The following TMEM8B variants were observed in gnomAD, a reference collection of about 807,000 sequenced individuals.
TMEM8B encodes the protein nasopharyngeal carcinoma expressed 6.
In TMEM8B, 29 loss-of-function variants were observed where a neutral mutation model predicts 49.3. That is an observed-to-expected ratio of 0.59 (90% CI 0.44 to 0.80). The LOEUF (loss-of-function observed/expected upper bound fraction) is 0.80. Ranked by LOEUF, TMEM8B falls within the 30% of genes least tolerant of loss-of-function variation. The probability of loss-of-function intolerance (pLI) is 0.00; values close to 1 mark genes in which losing one functional copy is unlikely to be tolerated. For synonymous variants in TMEM8B, 264 were observed against 272.8 expected (o/e 0.97, Z 0.32); for missense variants, 575 against 658.5 (o/e 0.87, Z 1.39).
At chr9:35,831,926 C>T (rs1024324888) in intron 1 of TMEM8B, among the ~76,000 whole-genome samples, 14 of 152,140 alleles carry the variant, frequency 9.2e-5, no homozygotes, top group African/African-American at 3.4e-4. Flanking sequence ...TGAGGAGAGG[C>T]TGGCAGTGTC....
intron 1 of TMEM8B, chr9:35,833,319 C>G (rs1830100814): frequency 4.1e-6 from 4 of 985,258 alleles, no homozygotes; most frequent in African/African-American, 1.7e-5. Context: ...GAGTTCCCCA[C>G]CTTCTCACCT....
Position 35,846,810 on chromosome 9 carries a change from C to T in TMEM8B, c.1997-7C>T, listed in dbSNP as rs772704306. 1.2e-6 allele frequency: 2 copies of T among 1,610,200 alleles called. No individual in the cohort carries two copies. Among genetic ancestry groups the T allele is most frequent in the Non-Finnish European group, 1.7e-6 (2 of 1,178,010 alleles). On this transcript the variant is annotated splice_polypyrimidine_tract_variant and splice_region_variant and intron_variant, in intron 9 of 12. Coordinates refer to ENST00000643932, the MANE Select transcript of TMEM8B (RefSeq NM_001042590.4). ...TCTCTTCCATTCTGTGCCTTCCCCA[C>T]CCGCAGGGTGGAGAGGCTGGGGCTG...
In TMEM8B at chr9:35,842,616, A is replaced by G. The variant is rs750599092; in HGVS notation, c.1534A>G (p.Ser512Gly). Residue 512 changes from serine (S) to glycine (G), a missense_variant, in exon 6 of 13, where the codon AGT becomes GGT. Physicochemically the swap from Ser to Gly is moderately conservative, Grantham distance 56. Transcript: ENST00000643932. This position sits in a 1 kb window ranked among gnomAD's most constrained non-coding sequence, Gnocchi z 5.6. ...CCACTTCTACATCTTCTTTGGCCCAAGTGTGGCCCTTCCCCCTGAGCGCCC... is the reference window on the plus strand; with the variant it reads ...CCACTTCTACATCTTCTTTGGCCCAGGTGTGGCCCTTCCCCCTGAGCGCCC... Reference protein sequence around the residue: ...SVHFYIFFGPSVALPPERPAV... With the variant: ...SVHFYIFFGPGVALPPERPAV... 5 of 1,614,168 alleles carry G rather than the reference A, an allele frequency of 3.1e-6. No homozygotes were observed. The South Asian group carries it at 4.4e-5, about 14-fold the overall frequency.
rs542644419 is a variant in TMEM8B at position 35,864,150 on chromosome 9, T to G, written c.*10310T>G. ...GTATGACTTTGGTCAGATTTCTCCT[T>G]CTGAGAAGTGGAGCCAATTAAGCGA... is the stretch of plus-strand genomic sequence containing the variant. On this transcript the variant is annotated 3_prime_UTR_variant, in exon 13 of 13. Coordinates refer to ENST00000643932, the MANE Select transcript of TMEM8B (RefSeq NM_001042590.4). 1 of 152,176 alleles carries G rather than the reference T, an allele frequency of 6.6e-6. No individual in the cohort carries two copies. Among genetic ancestry groups the G allele is most frequent in the Non-Finnish European group, 1.5e-5 (1 of 68,044 alleles). The allele number at this position is 152,176 out of a possible 1,614,324, so 9.4% of individuals were successfully genotyped here. A position where few individuals can be genotyped will look rare whatever the true frequency, so the allele number is the denominator to read the frequency against.
rs775717622 is a variant in TMEM8B at position 35,852,728 on chromosome 9, CACTG to C, written c.2176-96_2176-93del. 2.1e-4 allele frequency: 289 copies of C among 1,389,568 alleles called. 2 individuals carry two copies. Among genetic ancestry groups the C allele is most frequent in the Non-Finnish European group, 2.6e-4 (261 of 995,310 alleles). 86.1% of individuals were successfully genotyped at this position (1,389,568 alleles called of 1,614,324 possible). On this transcript the variant is annotated intron_variant, in intron 10 of 12. Coordinates refer to ENST00000643932, the MANE Select transcript of TMEM8B (RefSeq NM_001042590.4). ...CATCTGTGACCTTTCACCTCTGCTG[CACTG>C]ACAGCAGCACACCACCCCTGGGCCC... is the stretch of plus-strand genomic sequence containing the variant.
In TMEM8B at chr9:35,853,546, G is replaced by T. The variant is rs545015950; in HGVS notation, c.2481G>T (p.Thr827=). 16 of 1,614,020 alleles carry T rather than the reference G, an allele frequency of 9.9e-6. No homozygotes were observed. In the Middle Eastern group the frequency reaches 4.9e-4, roughly 50 times the overall value. Residue 827 remains threonine, a synonymous_variant, in exon 13 of 13, where the codon ACG becomes ACT. Coordinates refer to ENST00000643932, the MANE Select transcript of TMEM8B (RefSeq NM_001042590.4). This position sits in a 1 kb window ranked among gnomAD's most constrained non-coding sequence, Gnocchi z 4.2. The part of the protein sequence containing the change: ...SVRRRHCYPP[T]WRRWLFYLCP... The stretch of plus-strand genomic sequence containing the variant: ...GCCGCCGGCACTGCTACCCACCCAC[G>T]TGGCGCCGCTGGCTTTTCTACTTGT...
intron 6 of TMEM8B, chr9:35,845,348 A>G: frequency 1.0e-6 from 1 of 962,644 alleles, no homozygotes; most frequent in Non-Finnish European, 1.2e-6. Context: ...ATTCTATTTT[A>G]TGTAAGCTGC....
chr9:35,847,064 C>T (rs1831669748), intron 10 of TMEM8B, 69 bp downstream of exon 10: 1 of 1,614,210 alleles, frequency 6.2e-7, no homozygotes, highest in Non-Finnish European at 8.5e-7. Context: ...TCTGTATTTC[C>T]ACCACGTTCT....
At chr9:35,832,776 T>C (rs1034300956) in intron 1 of TMEM8B, among the ~76,000 whole-genome samples, 2 of 152,152 alleles carry the variant, frequency 1.3e-5, no homozygotes, top group African/African-American at 4.8e-5. Context: ...TCTGATTTCT[T>C]CTAACAATAG....
At chr9:35,835,464 A>G in intron 3 of TMEM8B, 1 of 363,980 alleles carries the variant, frequency 2.7e-6, no homozygotes, top group Non-Finnish European at 4.9e-6. Flanking sequence ...GAAAGTTGAG[A>G]ATCTGGAGTC....
In TMEM8B at chr9:35,836,552, G is replaced by C. The variant is rs1373405457; in HGVS notation, c.906+1334G>C. Among the ~76,000 whole-genome samples the C allele has an allele frequency of 2.6e-5, 4 of 152,350 alleles. No homozygotes were observed. The East Asian group carries it at 5.8e-4, about 22-fold the overall frequency. On this transcript the variant is annotated intron_variant, in intron 3 of 12. Coordinates refer to ENST00000643932, the MANE Select transcript of TMEM8B (RefSeq NM_001042590.4). ...TAGGGCCTAGGCCTGGGCTGGGATTGTGGGAGCTGAGGCCCAGTTAGAAGT... is the reference window on the plus strand; with the variant it reads ...TAGGGCCTAGGCCTGGGCTGGGATTCTGGGAGCTGAGGCCCAGTTAGAAGT...
In TMEM8B at chr9:35,829,800, C is replaced by G. The variant is rs918451849; in HGVS notation, c.353C>G (p.Pro118Arg). ...CPAQPNPLSQ[P>R]LPSSLCLPKS... Reference sequence around the variant, plus strand: ...GCCCAGCCCAACCCATTATCTCAGCCTTTGCCCTCATCTCTGTGTTTACCC... The same window carrying G: ...GCCCAGCCCAACCCATTATCTCAGCGTTTGCCCTCATCTCTGTGTTTACCC... Residue 118 changes from proline to arginine, a missense_variant, in exon 1 of 13, where the codon CCT becomes CGT. Pro to Arg is a moderately radical substitution (Grantham distance 103, BLOSUM62 -2). Coordinates refer to ENST00000643932, the MANE Select transcript of TMEM8B (RefSeq NM_001042590.4). 20 of 416,552 alleles carry G rather than the reference C, an allele frequency of 4.8e-5. No individual in the cohort carries two copies. Among genetic ancestry groups the G allele is most frequent in the Non-Finnish European group, 8.4e-5 (19 of 227,038 alleles). 25.8% of individuals were successfully genotyped at this position (416,552 alleles called of 1,614,324 possible). A position where few individuals can be genotyped will look rare whatever the true frequency, so the allele number is the denominator to read the frequency against.
rs1832673847 is a variant in TMEM8B at position 35,862,773 on chromosome 9, C to CATAAAA, written c.*8933_*8934insATAAAA. On this transcript the variant is annotated 3_prime_UTR_variant, in exon 13 of 13. Transcript: ENST00000643932. ...CAGATGGCTTCATAAAACTGACCACCCGGACAACAAGATGGTCACACAGCT... is the reference window on the plus strand; with the variant it reads ...CAGATGGCTTCATAAAACTGACCACCATAAAACGGACAACAAGATGGTCACACAGCT... 1 of 152,242 alleles carries CATAAAA rather than the reference C, an allele frequency of 6.6e-6. No homozygotes were observed. Among genetic ancestry groups the CATAAAA allele is most frequent in the Non-Finnish European group, 1.5e-5 (1 of 68,066 alleles). The allele number at this position is 152,242 out of a possible 1,614,324, so 9.4% of individuals were successfully genotyped here.
intron 3 of TMEM8B, among the ~76,000 whole-genome samples, chr9:35,836,287 G>A (rs764548695): frequency 4.6e-5 from 7 of 152,200 alleles, no homozygotes; most frequent in Non-Finnish European, 8.8e-5. Context: ...GCCTGCTGAA[G>A]GACAGCATGT....
rs1166348878 is a variant in TMEM8B, at chr9:35,854,035, T to G, written c.*195T>G. The G allele has an allele frequency of 1.6e-5, 21 of 1,313,308 alleles. No homozygotes were observed. The highest frequency in any genetic ancestry group is 1.2e-5 in the Non-Finnish European group (12 of 1,036,558). The allele number at this position is 1,313,308 out of a possible 1,614,324, so 81.4% of individuals were successfully genotyped here. A position where few individuals can be genotyped will look rare whatever the true frequency, so the allele number is the denominator to read the frequency against. On this transcript the variant is annotated 3_prime_UTR_variant, in exon 13 of 13. Coordinates refer to ENST00000643932, the MANE Select transcript of TMEM8B (RefSeq NM_001042590.4). ...ACTTCCTGAGGGCCTGGAGTCCCCC[T>G]GCATCATGGAGTCCTTCTTAAGGAC... is the stretch of plus-strand genomic sequence containing the variant.
chr9:35,853,266 G>A lies in TMEM8B; in HGVS notation c.2439+9G>A, dbSNP rs1274075662. ...TCTTGGCCACAGCCTGGGTAAGGGTGGGGAGGGATGTGGGGGGAGGGTCCC... is the reference window on the plus strand; with the variant it reads ...TCTTGGCCACAGCCTGGGTAAGGGTAGGGAGGGATGTGGGGGGAGGGTCCC... On this transcript the variant is annotated intron_variant, in intron 12 of 12. Transcript: ENST00000643932. This position sits in a 1 kb window ranked among gnomAD's most constrained non-coding sequence, Gnocchi z 4.2. The A allele has an allele frequency of 1.2e-6, 2 of 1,608,238 alleles. No individual in the cohort carries two copies. The highest frequency in any genetic ancestry group is 1.7e-6 in the Non-Finnish European group (2 of 1,174,930).
rs1832586488 is a variant in TMEM8B, at chr9:35,858,209, A to G, written c.*4369A>G. 1 of 150,608 alleles carries G rather than the reference A, an allele frequency of 6.6e-6. No homozygotes were observed. Among genetic ancestry groups the G allele is most frequent in the African/African-American group, 2.5e-5 (1 of 40,778 alleles). 9.3% of individuals were successfully genotyped at this position (150,608 alleles called of 1,614,324 possible). On this transcript the variant is annotated 3_prime_UTR_variant, in exon 13 of 13. Coordinates refer to ENST00000643932, the MANE Select transcript of TMEM8B (RefSeq NM_001042590.4). Reference sequence around the variant, plus strand: ...AGCCTCCACCTCCCAAGTTCAAGCGATCCTCCCTAGTAGCTGGGATTACAG... The same window carrying G: ...AGCCTCCACCTCCCAAGTTCAAGCGGTCCTCCCTAGTAGCTGGGATTACAG...
At position 35,853,090 on chromosome 9, in the gene TMEM8B, AGTGCTGTCT is replaced by A. The variant is rs1832299256; in HGVS notation, c.2323-48_2323-40del. The stretch of plus-strand genomic sequence containing the variant: ...CTCATGATTCTGACCCAGGCCCTGG[AGTGCTGTCT>A]GTCACCTGGCCCTAGCCCAGCCCTT... On this transcript the variant is annotated intron_variant, in intron 11 of 12. Transcript: ENST00000643932. The surrounding 1 kb of genome is among the most constrained non-coding windows in gnomAD (Gnocchi z 4.2). The A allele has an allele frequency of 6.2e-7, 1 of 1,607,880 alleles. No individual in the cohort carries two copies. The highest frequency in any genetic ancestry group is 1.3e-5 in the African/African-American group (1 of 74,808).
At position 35,853,691 on chromosome 9, in the gene TMEM8B, C is replaced by T. The variant is rs559671816; in HGVS notation, c.2626C>T (p.Leu876=). 1 of 1,614,204 alleles carries T rather than the reference C, an allele frequency of 6.2e-7. No homozygotes were observed. The highest frequency in any genetic ancestry group is 2.2e-5 in the East Asian group (1 of 44,884). ...HMLIAGSVGF[L]LPPRAKTDHG... ...GCTCATTGCGGGCAGTGTGGGCTTC[C>T]TGCTGCCCCCTCGTGCCAAGACTGA... Residue 876 remains leucine, a synonymous_variant, in exon 13 of 13, where the codon CTG becomes TTG. Coordinates refer to ENST00000643932, the MANE Select transcript of TMEM8B (RefSeq NM_001042590.4). The surrounding 1 kb of genome is among the most constrained non-coding windows in gnomAD (Gnocchi z 4.2).
Sources: allele counts gnomAD v4.1 joint callset (sites outside exome capture counted in the v4.1 genomes callset), GRCh38; gene constraint gnomAD v4.1.1; non-coding constraint Gnocchi (gnomAD v3.1); transcripts MANE v1.5; gene names NCBI Gene and HGNC (gene_info 2026-07-23, HGNC 2026-07-21).